Variants in PXDN observed in about 807,000 individuals in gnomAD.
PXDN encodes peroxidasin.
In PXDN, 77 loss-of-function variants were observed where a neutral mutation model predicts 140.3. The observed-to-expected ratio is 0.55, with a 90% CI of 0.46 to 0.66. The LOEUF is 0.66. Among genes scored for constraint, PXDN ranks in the 30% least tolerant of loss-of-function variants. The pLI, the probability that PXDN is intolerant of heterozygous loss-of-function variation, is 0.00. For missense variants in PXDN, 1,838 were observed against 2,039.5 expected (o/e 0.90, Z 1.90); for synonymous variants, 911 against 857.4 (o/e 1.06, Z -1.09).
At chr2:1,734,287 A>C (rs1685381177) in intron 1 of PXDN, among the ~76,000 whole-genome samples, 1 of 152,256 alleles carries the variant, frequency 6.6e-6, no homozygotes, top group Non-Finnish European at 1.5e-5. Context: ...ACATCTAAAA[A>C]ATATACATAC....
chr2:1,687,975 C>T lies in PXDN; in HGVS notation c.345-272G>A, dbSNP rs1684099756. Among the ~76,000 whole-genome samples, 1 of 152,120 alleles carries T rather than the reference C, an allele frequency of 6.6e-6. No homozygotes were observed. ...GCAACTCACAGACCTTAGACTATGG[C>T]TAATGAATTGCTGACAATACATTTG... On this transcript the variant is annotated intron_variant, in intron 3 of 22. Coordinates refer to ENST00000252804, the MANE Select transcript of PXDN (RefSeq NM_012293.3). The surrounding 1 kb of genome is among the most constrained non-coding windows in gnomAD (Gnocchi z 4.0).
At chr2:1,700,880 C>G (rs1239700117) in intron 1 of PXDN, among the ~76,000 whole-genome samples, 1 of 152,036 alleles carries the variant, frequency 6.6e-6, no homozygotes, top group African/African-American at 2.4e-5. Context: ...GTCTCAACAA[C>G]AACAAAAAAT....
intron 17 of PXDN, chr2:1,646,257 G>C (rs1339037087): frequency 6.6e-6 from 1 of 152,184 alleles, no homozygotes; most frequent in East Asian, 1.9e-4. Flanking sequence ...TCAGTGTGTG[G>C]GTAACATCCT....
At chr2:1,644,544 G>A in intron 18 of PXDN, 74 bp downstream of exon 18, 1 of 1,442,666 alleles carries the variant, frequency 6.9e-7, no homozygotes. Context: ...TCTCAACCAG[G>A]ACAGCTCTTC....
At chr2:1,705,506 C>T (rs553403660) in intron 1 of PXDN, among the ~76,000 whole-genome samples, 12 of 145,612 alleles carry the variant, frequency 8.2e-5, no homozygotes, top group African/African-American at 2.6e-4. Context: ...CGGCTCCCCA[C>T]GACCTGGGAT....
Position 1,639,180 on chromosome 2 carries a change from T to C in PXDN, c.4073+122A>G. The C allele has an allele frequency of 6.7e-7, 1 of 1,501,798 alleles. No individual in the cohort carries two copies. The highest frequency in any genetic ancestry group is 1.3e-5 in the South Asian group (1 of 77,348). The allele number at this position is 1,501,798 out of a possible 1,614,324, so 93.0% of individuals were successfully genotyped here. On this transcript the variant is annotated intron_variant, in intron 20 of 22. Coordinates refer to ENST00000252804, the MANE Select transcript of PXDN (RefSeq NM_012293.3). This position sits in a 1 kb window ranked among gnomAD's most constrained non-coding sequence, Gnocchi z 5.0. ...GGCTGCGGCCTGGCCCCCAGTGCCC[T>C]GGGACGTCCCTGCCAGGAACCATCC...
intron 9 of PXDN, among the ~76,000 whole-genome samples, chr2:1,668,124 C>T (rs1182353754): frequency 6.6e-6 from 1 of 152,140 alleles, no homozygotes; most frequent in Non-Finnish European, 1.5e-5. Flanking sequence ...TAGAACAGAA[C>T]AGAGCCCTCA....
intron 3 of PXDN, 151 bp downstream of exon 3, chr2:1,691,777 C>A: frequency 1.8e-6 from 1 of 554,782 alleles, no homozygotes; most frequent in Non-Finnish European, 3.1e-6. Flanking sequence ...TTTTAATAAT[C>A]CCAGCTAAAT....
chr2:1,694,656 T>C (rs1379798057), intron 1 of PXDN, among the ~76,000 whole-genome samples: 1 of 152,140 alleles, frequency 6.6e-6, no homozygotes, highest in Non-Finnish European at 1.5e-5. Flanking sequence ...TCTAAACAGA[T>C]GAGATTTTAA....
intron 1 of PXDN, among the ~76,000 whole-genome samples, chr2:1,735,791 C>T (rs959334959): frequency 4.6e-5 from 7 of 152,160 alleles, no homozygotes; most frequent in African/African-American, 1.7e-4. Context: ...TCACCCTGTC[C>T]TTTGAAGCTT....
chr2:1,679,533 CAT>C (rs1491137112), intron 7 of PXDN, among the ~76,000 whole-genome samples: 10 of 122,404 alleles, frequency 8.2e-5, no homozygotes, highest in East Asian at 7.5e-4. Context: ...TTTGTGTCTG[CAT>C]GTGTGTGTGT....
chr2:1,709,581 T>TA (rs1684705282), intron 1 of PXDN, among the ~76,000 whole-genome samples: 2 of 152,150 alleles, frequency 1.3e-5, no homozygotes, highest in African/African-American at 4.8e-5. Context: ...GTCAGGGCCA[T>TA]TGAACAAGAT....
intron 3 of PXDN, among the ~76,000 whole-genome samples, chr2:1,691,054 A>G (rs1327030197): frequency 6.6e-6 from 1 of 152,226 alleles, no homozygotes; most frequent in Non-Finnish European, 1.5e-5. Flanking sequence ...GTGTACCCCT[A>G]TGTAACAAAC....
intron 6 of PXDN, 111 bp downstream of exon 6, chr2:1,683,545 G>T: frequency 2.3e-6 from 1 of 428,708 alleles, no homozygotes; most frequent in South Asian, 4.1e-5. Flanking sequence ...CATTCTTTCA[G>T]AATCAGATTG....
chr2:1,654,397 T>C lies in PXDN; in HGVS notation c.1946+3A>G, dbSNP rs1683082745. The C allele has an allele frequency of 6.2e-7, 1 of 1,607,402 alleles. No homozygotes were observed. Among genetic ancestry groups the C allele is most frequent in the African/African-American group, 1.3e-5 (1 of 74,826 alleles). On this transcript the variant is annotated splice_donor_region_variant and intron_variant, in intron 15 of 22. Transcript: ENST00000252804. ...GGTCAGCGTGTTTACAGCCCCACGA[T>C]ACCTGTCAAACAAATGTGTTCGGGT...
In PXDN at chr2:1,639,069, C is replaced by G; in HGVS notation, c.4074-91G>C. On this transcript the variant is annotated intron_variant, in intron 20 of 22. Coordinates refer to ENST00000252804, the MANE Select transcript of PXDN (RefSeq NM_012293.3). This position sits in a 1 kb window ranked among gnomAD's most constrained non-coding sequence, Gnocchi z 5.0. ...AAGGTTTCCTGGGTGTGCACCGCCC[C>G]TGATGCTCTGAGCTGGGTCTCATTT... 1 of 194,146 alleles carries G rather than the reference C, an allele frequency of 5.2e-6. No individual in the cohort carries two copies. Among genetic ancestry groups the G allele is most frequent in the Non-Finnish European group, 6.2e-6 (1 of 160,780 alleles). The allele number at this position is 194,146 out of a possible 1,614,324, so 12.0% of individuals were successfully genotyped here.
intron 21 of PXDN, 50 bp downstream of exon 21, chr2:1,638,796 G>T: frequency 6.2e-7 from 1 of 1,612,110 alleles, no homozygotes; most frequent in Non-Finnish European, 8.5e-7. Flanking sequence ...GCAGGGCTGT[G>T]CTGCTGTGGA....
chr2:1,684,239 C>G lies in PXDN; in HGVS notation c.417-88G>C, dbSNP rs761349952. ...GCCCAAATTTTTTTCCTAGTCATTTCAAATTCAGATATCAATAGATAGCTC... is the reference window on the plus strand; with the variant it reads ...GCCCAAATTTTTTTCCTAGTCATTTGAAATTCAGATATCAATAGATAGCTC... On this transcript the variant is annotated intron_variant, in intron 4 of 22. Transcript: ENST00000252804. The G allele has an allele frequency of 4.7e-4, 496 of 1,051,260 alleles. 1 individual carries two copies. Among genetic ancestry groups the G allele is most frequent in the Non-Finnish European group, 6.7e-4 (468 of 702,302 alleles). The allele number at this position is 1,051,260 out of a possible 1,614,324, so 65.1% of individuals were successfully genotyped here.
chr2:1,674,329 G>A (rs1482437942), intron 8 of PXDN, among the ~76,000 whole-genome samples: 1 of 152,168 alleles, frequency 6.6e-6, no homozygotes, highest in Non-Finnish European at 1.5e-5. Flanking sequence ...CCTGCCTCGG[G>A]CTCCGAAAGT....
Sources: gnomAD v4.1 joint callset for allele counts (sites outside exome capture counted in the v4.1 genomes callset) on GRCh38, gnomAD v4.1.1 for gene constraint, Gnocchi (gnomAD v3.1) non-coding constraint, MANE v1.5 for transcripts, NCBI Gene and HGNC (gene_info 2026-07-23, HGNC 2026-07-21) for gene names.